MCF2L2: variants seen among roughly 807,000 people sequenced by gnomAD.
The protein encoded by MCF2L2 is probable guanine nucleotide exchange factor MCF2L2.
MCF2L2 carries 102 observed loss-of-function variants against 150.2 expected under a neutral mutation model. The ratio of observed to expected loss-of-function variants is 0.68; its 90% confidence interval spans 0.58 to 0.80. The LOEUF (loss-of-function observed/expected upper bound fraction) is 0.80. Among genes scored for constraint, MCF2L2 ranks in the 30% least tolerant of loss-of-function variants. MCF2L2 has a pLI of 0.00. For missense variants in MCF2L2, 1,256 were observed against 1,372.8 expected (o/e 0.91, Z 1.34); for synonymous variants, 465 against 491.3 (o/e 0.95, Z 0.71).
intron 1 of MCF2L2, among the ~76,000 whole-genome samples, chr3:183,403,410 A>C (rs1413308965): frequency 6.6e-6 from 1 of 152,262 alleles, no homozygotes; most frequent in South Asian, 2.1e-4. Flanking sequence ...CCGTGCTAGC[A>C]GGGGAAGAGT....
intron 3 of MCF2L2, among the ~76,000 whole-genome samples, chr3:183,344,859 G>A (rs898154111): frequency 1.3e-5 from 2 of 152,104 alleles, no homozygotes; most frequent in African/African-American, 4.8e-5. Flanking sequence ...AGGGATCAAT[G>A]CAACAAGAAA....
chr3:183,344,872 C>T (rs538471620), intron 3 of MCF2L2, among the ~76,000 whole-genome samples: 23 of 152,240 alleles, frequency 1.5e-4, no homozygotes, highest in African/African-American at 5.5e-4. Flanking sequence ...ACAAGAAAAG[C>T]TAAGTATCCT....
At chr3:183,329,791 C>T (rs1009215171) in intron 5 of MCF2L2, among the ~76,000 whole-genome samples, 3 of 152,222 alleles carry the variant, frequency 2.0e-5, no homozygotes, top group African/African-American at 7.2e-5. Context: ...TGCATTTACA[C>T]AAACCTAGAT....
chr3:183,382,279 G>C (rs929123230), intron 2 of MCF2L2, among the ~76,000 whole-genome samples: 1 of 151,970 alleles, frequency 6.6e-6, no homozygotes, highest in African/African-American at 2.4e-5. Flanking sequence ...GGCTGGTCTC[G>C]AACTCCTGAC....
intron 25 of MCF2L2, among the ~76,000 whole-genome samples, chr3:183,205,501 G>C (rs1399077471): frequency 6.6e-6 from 1 of 152,200 alleles, no homozygotes; most frequent in Non-Finnish European, 1.5e-5. Flanking sequence ...CAGTGAATTT[G>C]ATGGCATGTT....
chr3:183,311,171 C>T, intron 8 of MCF2L2, 142 bp from the exon 9 acceptor site: 1 of 598,684 alleles, frequency 1.7e-6, no homozygotes, highest in Non-Finnish European at 3.0e-6. Flanking sequence ...CATGTGTCAC[C>T]TATGCCTTTC....
chr3:183,389,521 T>C (rs371599195), intron 2 of MCF2L2, among the ~76,000 whole-genome samples, 175 bp downstream of exon 2: 2 of 152,168 alleles, frequency 1.3e-5, no homozygotes, highest in Non-Finnish European at 2.9e-5. Context: ...GGGAATAATA[T>C]GTATGAGATC....
intron 6 of MCF2L2, among the ~76,000 whole-genome samples, chr3:183,320,154 G>A (rs1224466996): frequency 7.4e-5 from 11 of 149,062 alleles, no homozygotes; most frequent in South Asian, 4.2e-4. Context: ...GTGCAGTGGC[G>A]CGATCTCAGC....
At chr3:183,211,443 A>AC (rs1722719866) in intron 22 of MCF2L2, among the ~76,000 whole-genome samples, 1 of 152,180 alleles carries the variant, frequency 6.6e-6, no homozygotes. Context: ...TGTTCTCAGG[A>AC]CCACACATAT....
chr3:183,344,795 G>A (rs917682569), intron 3 of MCF2L2, among the ~76,000 whole-genome samples: 3 of 152,106 alleles, frequency 2.0e-5, no homozygotes, highest in Non-Finnish European at 1.5e-5. Context: ...TGATAAAACA[G>A]ACTTTAAACA....
chr3:183,269,659 T>TAAAATAAGAAG, intron 15 of MCF2L2: 1 of 755,514 alleles, frequency 1.3e-6, no homozygotes, highest in Non-Finnish European at 2.1e-6. Flanking sequence ...AACTATTTTG[T>TAAAATAAGAAG]AAAATAAGAA....
chr3:183,361,332 G>A (rs1473712260), intron 3 of MCF2L2, among the ~76,000 whole-genome samples: 1 of 152,156 alleles, frequency 6.6e-6, no homozygotes, highest in East Asian at 1.9e-4. Context: ...CTTAGTTACT[G>A]ATATGGTTTG....
intron 1 of MCF2L2, among the ~76,000 whole-genome samples, chr3:183,417,498 G>A (rs1323200318): frequency 1.3e-5 from 2 of 152,140 alleles, no homozygotes; most frequent in Non-Finnish European, 2.9e-5. Flanking sequence ...CATTTACAGT[G>A]TCTTACATAA....
At chr3:183,257,183 C>T (rs1484909118) in intron 15 of MCF2L2, among the ~76,000 whole-genome samples, 3 of 152,210 alleles carry the variant, frequency 2.0e-5, no homozygotes, top group Admixed American at 6.5e-5. Context: ...AACAAGTTAT[C>T]TCAAATGATC....
In MCF2L2 at chr3:183,258,037, G is replaced by A. The variant is rs947241890; in HGVS notation, c.1862+18835C>T. Among the ~76,000 whole-genome samples the A allele has an allele frequency of 6.5e-5, 8 of 123,246 alleles. 1 individual carries two copies. In the South Asian group the frequency reaches 8.1e-4, roughly 13 times the overall value. The allele number at this position is 123,246 out of a possible 152,430, so 80.9% of individuals were successfully genotyped here. A position where few individuals can be genotyped will look rare whatever the true frequency, so the allele number is the denominator to read the frequency against. ...GGCTGGAGTGCAATGGTGCCATCTCGGCTCACCGCAACCTCCGCCTCCTGG... is the reference window on the plus strand; with the variant it reads ...GGCTGGAGTGCAATGGTGCCATCTCAGCTCACCGCAACCTCCGCCTCCTGG... On this transcript the variant is annotated intron_variant, in intron 15 of 29. Transcript: ENST00000328913.
chr3:183,345,806 A>C (rs1730875263), intron 3 of MCF2L2, among the ~76,000 whole-genome samples: 1 of 152,232 alleles, frequency 6.6e-6, no homozygotes, highest in Non-Finnish European at 1.5e-5. Context: ...ATGCAAATAA[A>C]CTAGAAAATC....
intron 1 of MCF2L2, among the ~76,000 whole-genome samples, chr3:183,405,907 G>A (rs1336647934): frequency 6.6e-6 from 1 of 152,112 alleles, no homozygotes; most frequent in Non-Finnish European, 1.5e-5. Context: ...GCAGAGACAG[G>A]GTTTTACCAT....
At chr3:183,354,583 T>C (rs1180672038) in intron 3 of MCF2L2, among the ~76,000 whole-genome samples, 1 of 138,622 alleles carries the variant, frequency 7.2e-6, no homozygotes, top group Non-Finnish European at 1.5e-5. Context: ...AATCAGAAAA[T>C]GTTTGAATCC....
chr3:183,307,977 T>A (rs573990144), intron 10 of MCF2L2, among the ~76,000 whole-genome samples: 64 of 152,350 alleles, frequency 4.2e-4, no homozygotes, highest in African/African-American at 1.5e-3. Context: ...ATTACACAGA[T>A]CAAACAGATC....
Sources: gnomAD v4.1 joint callset for allele counts (sites outside exome capture counted in the v4.1 genomes callset) on GRCh38, gnomAD v4.1.1 for gene constraint, MANE v1.5 for transcripts, NCBI Gene and HGNC (gene_info 2026-07-23, HGNC 2026-07-21) for gene names.